ME3: variants seen among roughly 807,000 people sequenced by gnomAD.
ME3 encodes the protein malic enzyme 3.
Under a neutral mutation model 68.9 loss-of-function variants are expected in ME3, and 48 were observed. The observed-to-expected ratio is 0.70, with a 90% confidence interval of 0.55 to 0.89. The LOEUF (loss-of-function observed/expected upper bound fraction) is 0.89. ME3 is among the 40% of genes least tolerant of loss of function. The pLI is 0.00. For synonymous variants in ME3, 320 were observed against 318.8 expected (o/e 1.00, Z -0.04); for missense variants, 675 against 797.4 (o/e 0.85, Z 1.85).
chr11:86,644,864 C>T (rs544162236), intron 2 of ME3, among the ~76,000 whole-genome samples: 1 of 152,308 alleles, frequency 6.6e-6, no homozygotes, highest in South Asian at 2.1e-4. Flanking sequence ...AGGTACCTGG[C>T]TCATCTCACT....
chr11:86,473,958 A>G (rs942356706), intron 7 of ME3, among the ~76,000 whole-genome samples: 4 of 152,248 alleles, frequency 2.6e-5, no homozygotes, highest in Non-Finnish European at 5.9e-5. Flanking sequence ...TGGAAGTCAG[A>G]AGGACACAGA....
intron 2 of ME3, among the ~76,000 whole-genome samples, chr11:86,584,328 A>G (rs1958613756): frequency 6.6e-6 from 1 of 152,226 alleles, no homozygotes; most frequent in African/African-American, 2.4e-5. Context: ...AGTATTGGTG[A>G]GGCTATGGAA....
At chr11:86,578,419 C>G (rs918515204) in intron 2 of ME3, among the ~76,000 whole-genome samples, 3 of 152,054 alleles carry the variant, frequency 2.0e-5, no homozygotes, top group Admixed American at 6.6e-5. Flanking sequence ...AGAAAACAAA[C>G]AGACACACTT....
chr11:86,540,905 G>A (rs913642437), intron 4 of ME3, among the ~76,000 whole-genome samples: 17 of 152,192 alleles, frequency 1.1e-4, no homozygotes, highest in Admixed American at 5.2e-4. Context: ...CAATGCAGAA[G>A]GTGGGTGATT....
chr11:86,511,340 C>T (rs1220055960), intron 4 of ME3, among the ~76,000 whole-genome samples: 2 of 152,164 alleles, frequency 1.3e-5, no homozygotes, highest in Non-Finnish European at 2.9e-5. Context: ...TGTTCCACTC[C>T]TCTTCTCACT....
At chr11:86,662,233 G>A (rs1946328817) in intron 2 of ME3, among the ~76,000 whole-genome samples, 1 of 152,164 alleles carries the variant, frequency 6.6e-6, no homozygotes. Flanking sequence ...CTAAAATCAG[G>A]TGGCCTGAGT....
chr11:86,618,299 CAAAAAAAAAAAAAA>C (rs55824426), intron 2 of ME3, among the ~76,000 whole-genome samples: 38 of 55,944 alleles, frequency 6.8e-4, no homozygotes, highest in Admixed American at 5.2e-3. Context: ...GGCTCTGTCT[CAAAAAAAAAAAAAA>C]AAAAAAAAAA....
intron 3 of ME3, among the ~76,000 whole-genome samples, chr11:86,557,809 A>G (rs1957008749): frequency 6.6e-6 from 1 of 152,158 alleles, no homozygotes; most frequent in Admixed American, 6.5e-5. Flanking sequence ...ACATTCAGTT[A>G]TGTCAAACTG....
intron 4 of ME3, among the ~76,000 whole-genome samples, chr11:86,551,961 G>A (rs1956711007): frequency 6.6e-6 from 1 of 152,206 alleles, no homozygotes; most frequent in South Asian, 2.1e-4. Context: ...TTAAGTGCAA[G>A]TACAGATGAT....
chr11:86,605,768 CAACT>C (rs1961535830), intron 2 of ME3, among the ~76,000 whole-genome samples: 1 of 147,342 alleles, frequency 6.8e-6, no homozygotes, highest in Non-Finnish European at 1.5e-5. Context: ...ATGGAATGGA[CAACT>C]AACTTCCCTG....
intron 4 of ME3, among the ~76,000 whole-genome samples, chr11:86,533,173 A>G (rs561680759): frequency 3.3e-4 from 50 of 152,278 alleles, no homozygotes; most frequent in African/African-American, 1.2e-3. Context: ...ACAGAAGTAA[A>G]TAAAGACTAG....
At chr11:86,632,896 G>T (rs1433137455) in intron 2 of ME3, among the ~76,000 whole-genome samples, 1 of 152,202 alleles carries the variant, frequency 6.6e-6, no homozygotes, top group East Asian at 1.9e-4. Flanking sequence ...CAACGGTGAG[G>T]AAGGGCTTTC....
At chr11:86,468,447 A>G (rs1440566130) in intron 7 of ME3, among the ~76,000 whole-genome samples, 2 of 152,164 alleles carry the variant, frequency 1.3e-5, no homozygotes, top group African/African-American at 2.4e-5. Flanking sequence ...TTATCCATCC[A>G]TCCATTCACC....
chr11:86,559,978 T>A (rs1414872662), intron 2 of ME3, among the ~76,000 whole-genome samples, 155 bp from the exon 3 acceptor site: 25 of 152,152 alleles, frequency 1.6e-4, no homozygotes, highest in Admixed American at 1.6e-3. Flanking sequence ...AGTAGGAGGG[T>A]CATCTTGTGC....
At chr11:86,522,206 C>T (rs894487165) in intron 4 of ME3, among the ~76,000 whole-genome samples, 2 of 151,784 alleles carry the variant, frequency 1.3e-5, no homozygotes, top group East Asian at 3.9e-4. Flanking sequence ...GCCAAGACTG[C>T]GTCATTGCAC....
chr11:86,641,190 G>A (rs1565255871), intron 2 of ME3, among the ~76,000 whole-genome samples: 1 of 152,026 alleles, frequency 6.6e-6, no homozygotes, highest in Non-Finnish European at 1.5e-5. Flanking sequence ...GACAAAATAG[G>A]AGAAAAGTCT....
intron 2 of ME3, among the ~76,000 whole-genome samples, chr11:86,609,893 T>A (rs567451728): frequency 6.6e-6 from 1 of 152,268 alleles, no homozygotes; most frequent in South Asian, 2.1e-4. Flanking sequence ...TATATAAATA[T>A]AATGATAATA....
intron 2 of ME3, among the ~76,000 whole-genome samples, chr11:86,644,630 C>A (rs537039700): frequency 6.6e-6 from 1 of 152,348 alleles, no homozygotes; most frequent in South Asian, 2.1e-4. Context: ...GCAGCTTCTC[C>A]TCTGGCTGGC....
chr11:86,467,344 G>T (rs558926725), intron 7 of ME3, among the ~76,000 whole-genome samples: 1 of 152,140 alleles, frequency 6.6e-6, no homozygotes, highest in Non-Finnish European at 1.5e-5. Flanking sequence ...TTTGGTGGGG[G>T]GCTCACTGTG....
Sources: gnomAD v4.1 joint callset for allele counts (sites outside exome capture counted in the v4.1 genomes callset) on GRCh38, gnomAD v4.1.1 for gene constraint, MANE v1.5 for transcripts, NCBI Gene and HGNC (gene_info 2026-07-23, HGNC 2026-07-21) for gene names.